The following SIX4 variants were observed in gnomAD, a reference collection of about 807,000 sequenced individuals.
SIX4 encodes homeobox protein SIX4.
Under a neutral mutation model 51.5 loss-of-function variants are expected in SIX4, and 23 were observed. The observed-to-expected ratio is 0.45, with a 90% CI of 0.32 to 0.63. SIX4 has a LOEUF of 0.63. SIX4 is among the 30% of genes least tolerant of loss of function. The pLI is 0.04. For synonymous variants in SIX4, 413 were observed against 417.3 expected (o/e 0.99, Z 0.13); for missense variants, 867 against 984.0 (o/e 0.88, Z 1.59).
At chr14:60,715,785 C>T (rs1320071365) in intron 2 of SIX4, among the ~76,000 whole-genome samples, 1 of 151,986 alleles carries the variant, frequency 6.6e-6, no homozygotes, top group Non-Finnish European at 1.5e-5. Flanking sequence ...TCTAGGACCT[C>T]AAATATGGTC....
In SIX4 at chr14:60,723,580, G is replaced by A. The variant is rs550497092; in HGVS notation, c.495C>T (p.Leu165=). The A allele has an allele frequency of 6.2e-7, 1 of 1,611,246 alleles. No individual in the cohort carries two copies. The highest frequency in any genetic ancestry group is 1.3e-5 in the African/African-American group (1 of 75,002). The part of the protein sequence containing the change: ...VAFHQGIYPE[L]YSILESHSFE... Reference sequence around the variant, plus strand: ...AGCTGTGGCTCTCGAGGATGCTGTAGAGCTCGGGGTAGATGCCCTGGTGGA... The same window carrying A: ...AGCTGTGGCTCTCGAGGATGCTGTAAAGCTCGGGGTAGATGCCCTGGTGGA... Residue 165 remains leucine (L), a synonymous_variant, in exon 1 of 3, where the codon CTC becomes CTT. Coordinates refer to ENST00000216513, the MANE Select transcript of SIX4 (RefSeq NM_017420.5).
Position 60,713,769 on chromosome 14 carries a change from C to CAT in SIX4, c.1982_1983dup (p.Ala662MetfsTer20). The CAT allele has an allele frequency of 6.2e-7, 1 of 1,614,162 alleles. No homozygotes were observed. Among genetic ancestry groups the CAT allele is most frequent in the Non-Finnish European group, 8.5e-7 (1 of 1,180,036 alleles). ...ATAAGGGAGCAGTTCTGAAGAGTTGCATAGTTAGTGTTGCTGACAGATGTC... is the reference window on the plus strand; with the variant it reads ...ATAAGGGAGCAGTTCTGAAGAGTTGCATATAGTTAGTGTTGCTGACAGATGTC... On this transcript the variant is annotated frameshift_variant, in exon 3 of 3. Transcript: ENST00000216513. LOFTEE classifies it high-confidence loss of function.
In SIX4 at chr14:60,720,985, C is replaced by T. The variant is rs1367519679; in HGVS notation, c.864-540G>A. On this transcript the variant is annotated intron_variant, in intron 1 of 2. Transcript: ENST00000216513. This position sits in a 1 kb window ranked among gnomAD's most constrained non-coding sequence, Gnocchi z 5.5. ...ACAAGAGATCGTTTTCTCACCTGCT[C>T]CCAAACTTCTACTCCACCAGACTGA... 14 of 986,182 alleles carry T rather than the reference C, an allele frequency of 1.4e-5. No individual in the cohort carries two copies. Among genetic ancestry groups the T allele is most frequent in the South Asian group, 1.4e-4 (3 of 21,320 alleles). The allele number at this position is 986,182 out of a possible 1,614,324, so 61.1% of individuals were successfully genotyped here. A position where few individuals can be genotyped will look rare whatever the true frequency, so the allele number is the denominator to read the frequency against.
chr14:60,717,946 A>T lies in SIX4; in HGVS notation c.1549+1814T>A. 4.9e-6 allele frequency: 1 copy of T among 206,082 alleles called. No homozygotes were observed. Among genetic ancestry groups the T allele is most frequent in the South Asian group, 7.0e-5 (1 of 14,198 alleles). 12.8% of individuals were successfully genotyped at this position (206,082 alleles called of 1,614,324 possible). A position where few individuals can be genotyped will look rare whatever the true frequency, so the allele number is the denominator to read the frequency against. ...ATAATCACTTGAACACGGGAGGCAG[A>T]GGCTGCAGTGAGCCGAGATCGCGCC... is the stretch of plus-strand genomic sequence containing the variant. On this transcript the variant is annotated intron_variant, in intron 2 of 2. Coordinates refer to ENST00000216513, the MANE Select transcript of SIX4 (RefSeq NM_017420.5). This position sits in a 1 kb window ranked among gnomAD's most constrained non-coding sequence, Gnocchi z 4.6.
Position 60,713,978 on chromosome 14 carries a change from G to C in SIX4, c.1775C>G (p.Ala592Gly). Residue 592 changes from alanine to glycine, a missense_variant, in exon 3 of 3, where the codon GCA (alanine) becomes GGA (glycine). Transcript: ENST00000216513. ...MPVNQNAQVNANLSSENISGS... is the reference protein window; with the variant it reads ...MPVNQNAQVNGNLSSENISGS... ...CGAGATGTTTTCAGAAGACAGGTTT[G>C]CATTTACTTGTGCATTCTGATTGAC... The C allele has an allele frequency of 6.2e-7, 1 of 1,614,126 alleles. No individual in the cohort carries two copies. Among genetic ancestry groups the C allele is most frequent in the Non-Finnish European group, 8.5e-7 (1 of 1,180,014 alleles).
In SIX4 at chr14:60,710,694, G is replaced by A. The variant is rs1895804373; in HGVS notation, c.*2713C>T. The A allele has an allele frequency of 6.6e-6, 1 of 152,614 alleles. No homozygotes were observed. Among genetic ancestry groups the A allele is most frequent in the South Asian group, 2.1e-4 (1 of 4,824 alleles). 9.5% of individuals were successfully genotyped at this position (152,614 alleles called of 1,614,324 possible). A position where few individuals can be genotyped will look rare whatever the true frequency, so the allele number is the denominator to read the frequency against. ...TGGCAAAAGACATTTGCAATTCTGT[G>A]CAAGGAGATCATGGGGTTTATCTTA... On this transcript the variant is annotated 3_prime_UTR_variant, in exon 3 of 3. Transcript: ENST00000216513.
Position 60,720,434 on chromosome 14 carries a change from C to T in SIX4, c.875G>A (p.Gly292Asp), listed in dbSNP as rs779683654. The change falls in exon 2 of 3, where the codon GGC becomes GAC. Residue 292 changes from glycine (G) to aspartate (D), a missense_variant. Transcript: ENST00000216513. This position sits in a 1 kb window ranked among gnomAD's most constrained non-coding sequence, Gnocchi z 5.5. ...SETQSKSESD[G>D]NPSTEDESSK... ...GGATTCATCTTCAGTGCTGGGGTTG[C>T]CATCTGACTCACTGTATGGAGGGGG... 1.2e-5 allele frequency: 20 copies of T among 1,612,150 alleles called. No individual in the cohort carries two copies. The highest frequency in any genetic ancestry group is 1.7e-5 in the Non-Finnish European group (20 of 1,179,110).
At position 60,710,048 on chromosome 14, in the gene SIX4, AG is replaced by A. The variant is rs747945988; in HGVS notation, c.*3358del. On this transcript the variant is annotated 3_prime_UTR_variant, in exon 3 of 3. Transcript: ENST00000216513. Reference sequence around the variant, plus strand: ...TTGTGAAATGTAACTATTTCCCCATAGTTTTCCTGAATTATTTTTATTATGA... The same window carrying A: ...TTGTGAAATGTAACTATTTCCCCATATTTTCCTGAATTATTTTTATTATGA... 3 of 152,634 alleles carry A rather than the reference AG, an allele frequency of 2.0e-5. No homozygotes were observed. Among genetic ancestry groups the A allele is most frequent in the Non-Finnish European group, 4.4e-5 (3 of 68,032 alleles). 9.5% of individuals were successfully genotyped at this position (152,634 alleles called of 1,614,324 possible). A position where few individuals can be genotyped will look rare whatever the true frequency, so the allele number is the denominator to read the frequency against.
rs773136354 is a variant in SIX4 at position 60,714,162 on chromosome 14, A to G, written c.1591T>C (p.Phe531Leu). 6.2e-7 allele frequency: 1 copy of G among 1,608,406 alleles called. No individual in the cohort carries two copies. Among genetic ancestry groups the G allele is most frequent in the Non-Finnish European group, 8.5e-7 (1 of 1,178,994 alleles). ...VSSSTSDGST[F>L]TSESTTVQQG... is the part of the protein sequence containing the mutation. ...TGGACTGTGGTAGACTCACTTGTAAATGTGCTTCCATCTGAAGTGCTTGAG... is the reference window on the plus strand; with the variant it reads ...TGGACTGTGGTAGACTCACTTGTAAGTGTGCTTCCATCTGAAGTGCTTGAG... Residue 531 changes from phenylalanine (F) to leucine (L), a missense_variant, in exon 3 of 3, where the codon TTT becomes CTT. Phe to Leu is a conservative substitution (Grantham distance 22). Coordinates refer to ENST00000216513, the MANE Select transcript of SIX4 (RefSeq NM_017420.5).
At position 60,720,293 on chromosome 14, in the gene SIX4, G is replaced by A. The variant is rs535591004; in HGVS notation, c.1016C>T (p.Ala339Val). The A allele has an allele frequency of 1.9e-6, 3 of 1,614,176 alleles. No individual in the cohort carries two copies. The East Asian group carries it at 6.7e-5, about 36-fold the overall frequency. ...EPVYMQQIGN[A>V]KISLSSSGVL... is the part of the protein sequence containing the mutation. Reference sequence around the variant, plus strand: ...TCCAGAAGAGCTTAATGATATCTTAGCATTTCCAATTTGTTGCATATATAC... The same window carrying A: ...TCCAGAAGAGCTTAATGATATCTTAACATTTCCAATTTGTTGCATATATAC... The change falls in exon 2 of 3, where the codon GCT (alanine) becomes GTT (valine). Residue 339 changes from alanine (A) to valine (V), a missense_variant. By Grantham distance (64) the Ala-to-Val change is moderately conservative. Transcript: ENST00000216513. This position sits in a 1 kb window ranked among gnomAD's most constrained non-coding sequence, Gnocchi z 5.5.
rs796627176 is a variant in SIX4 at position 60,719,180 on chromosome 14, C to T, written c.1549+580G>A. Among the ~76,000 whole-genome samples, 5 of 152,278 alleles carry T rather than the reference C, an allele frequency of 3.3e-5. No individual in the cohort carries two copies. The highest frequency in any genetic ancestry group is 9.6e-5 in the African/African-American group (4 of 41,564). ...TATTATCTTCACAAATAAACCCACA[C>T]ATTTAGGGGGTTAGTATATATGCTG... On this transcript the variant is annotated intron_variant, in intron 2 of 2. Transcript: ENST00000216513. This position sits in a 1 kb window ranked among gnomAD's most constrained non-coding sequence, Gnocchi z 4.9.
In SIX4 at chr14:60,723,489, G is replaced by C. The variant is rs1467174039; in HGVS notation, c.586C>G (p.Arg196Gly). 3.7e-6 allele frequency: 6 copies of C among 1,605,982 alleles called. No homozygotes were observed. Among genetic ancestry groups the C allele is most frequent in the East Asian group, 2.2e-5 (1 of 44,752 alleles). Residue 196 changes from arginine to glycine, a missense_variant, in exon 1 of 3, where the codon CGA becomes GGA. Physicochemically the swap from Arg to Gly is moderately radical, Grantham distance 125 (BLOSUM62 -2). Transcript: ENST00000216513. The stretch of plus-strand genomic sequence containing the variant: ...GCTCCCAGCGGCCGGCCGCGGGCTC[G>C]CTCGGCCTCGGTGTAGCGCGCCTTG... ...WYKARYTEAE[R>G]ARGRPLGAVD...
chr14:60,724,215 T>G lies in SIX4; in HGVS notation c.-141A>C. On this transcript the variant is annotated 5_prime_UTR_variant, in exon 1 of 3. Transcript: ENST00000216513. ...CCACTCCCTCCCTCCTGGTTTCGGCTGTATCTGGCCGATCAGGTTTCCCCC... is the reference window on the plus strand; with the variant it reads ...CCACTCCCTCCCTCCTGGTTTCGGCGGTATCTGGCCGATCAGGTTTCCCCC... The G allele has an allele frequency of 6.4e-7, 1 of 1,554,074 alleles. No homozygotes were observed. Among genetic ancestry groups the G allele is most frequent in the Middle Eastern group, 1.7e-4 (1 of 6,002 alleles).
At position 60,723,505 on chromosome 14, in the gene SIX4, G is replaced by A. The variant is rs1896075146; in HGVS notation, c.570C>T (p.Arg190=). ...PLLQQLWYKA[R]YTEAERARGR... ...CGCGGGCTCGCTCGGCCTCGGTGTA[G>A]CGCGCCTTGTACCAGAGCTGCTGCA... The change falls in exon 1 of 3, where the codon CGC becomes CGT. Residue 190 remains arginine, a synonymous_variant. Transcript: ENST00000216513. 6 of 1,606,360 alleles carry A rather than the reference G, an allele frequency of 3.7e-6. No individual in the cohort carries two copies. The highest frequency in any genetic ancestry group is 2.5e-6 in the Non-Finnish European group (3 of 1,179,484).
Position 60,714,089 on chromosome 14 carries a change from T to C in SIX4, c.1664A>G (p.Tyr555Cys). 1 of 1,614,156 alleles carries C rather than the reference T, an allele frequency of 6.2e-7. No individual in the cohort carries two copies. Among genetic ancestry groups the C allele is most frequent in the African/African-American group, 1.3e-5 (1 of 75,072 alleles). ...AGTCTGGCCTGTATTAGGAACCGTG[T>C]ATACCACTGCACTGGGAGCAAGAGA... Reference protein sequence around the residue: ...LSSLAPSAVVYTVPNTGQTIG... With the variant: ...LSSLAPSAVVCTVPNTGQTIG... Residue 555 changes from tyrosine to cysteine, a missense_variant, in exon 3 of 3, where the codon TAC becomes TGC. Coordinates refer to ENST00000216513, the MANE Select transcript of SIX4 (RefSeq NM_017420.5).
intron 2 of SIX4, among the ~76,000 whole-genome samples, chr14:60,716,083 C>G (rs1895915477): frequency 6.6e-6 from 1 of 151,498 alleles, no homozygotes; most frequent in African/African-American, 2.4e-5. Context: ...CCAGGCTGTT[C>G]TCGAACTCCT....
rs1161041340 is a variant in SIX4, at chr14:60,713,818, T to G, written c.1935A>C (p.Ala645=). The change falls in exon 3 of 3, where the codon GCA becomes GCC. Residue 645 remains alanine (A), a synonymous_variant. Transcript: ENST00000216513. ...RDIADSQPMS[A]PVASKSTVTS... is the part of the protein sequence containing the mutation. ...TCACAGTAGATTTGCTTGCCACCGG[T>G]GCAGACATTGGTTGGCTATCGGCAA... is the stretch of plus-strand genomic sequence containing the variant. 1 of 1,614,188 alleles carries G rather than the reference T, an allele frequency of 6.2e-7. No homozygotes were observed. Among genetic ancestry groups the G allele is most frequent in the Admixed American group, 1.7e-5 (1 of 60,024 alleles).
In SIX4 at chr14:60,720,111, T is replaced by G; in HGVS notation, c.1198A>C (p.Ile400Leu). The G allele has an allele frequency of 1.2e-6, 2 of 1,614,226 alleles. No individual in the cohort carries two copies. Among genetic ancestry groups the G allele is most frequent in the Non-Finnish European group, 1.7e-6 (2 of 1,180,038 alleles). ...GTCATGGATATACCATTGCTCACAA[T>G]GTTTGATGACATTTTTGGTGGGTTC... The part of the protein sequence containing the change: ...ALNPPKMSSN[I>L]VSNGISMTDI... The change falls in exon 2 of 3, where the codon ATT becomes CTT. Residue 400 changes from isoleucine to leucine, a missense_variant. Transcript: ENST00000216513. This position sits in a 1 kb window ranked among gnomAD's most constrained non-coding sequence, Gnocchi z 5.5.
Position 60,711,973 on chromosome 14 carries a change from C to T in SIX4, c.*1434G>A, listed in dbSNP as rs551717161. On this transcript the variant is annotated 3_prime_UTR_variant, in exon 3 of 3. Coordinates refer to ENST00000216513, the MANE Select transcript of SIX4 (RefSeq NM_017420.5). The stretch of plus-strand genomic sequence containing the variant: ...CAGAGTCTTGATAAAACTATAGCCA[C>T]GGCTTACAACATTATTAAACAAGCT... 6.6e-5 allele frequency: 10 copies of T among 152,646 alleles called. No individual in the cohort carries two copies. The highest frequency in any genetic ancestry group is 5.8e-4 in the East Asian group (3 of 5,184). 9.5% of individuals were successfully genotyped at this position (152,646 alleles called of 1,614,324 possible).
Sources: allele counts gnomAD v4.1 joint callset (sites outside exome capture counted in the v4.1 genomes callset), GRCh38; gene constraint gnomAD v4.1.1; non-coding constraint Gnocchi (gnomAD v3.1); transcripts MANE v1.5; gene names NCBI Gene and HGNC (gene_info 2026-07-23, HGNC 2026-07-21).